Variants in PKNOX1 observed in about 807,000 individuals in gnomAD.
The protein encoded by PKNOX1 is homeobox protein PKNOX1.
In PKNOX1, 15 loss-of-function variants were observed where a neutral mutation model predicts 51.9. The ratio of observed to expected loss-of-function variants is 0.29; its 90% CI spans 0.19 to 0.45. PKNOX1 has a LOEUF of 0.45. Ranked by LOEUF, PKNOX1 falls within the 20% of genes least tolerant of loss-of-function variation. PKNOX1 has a pLI of 1.00. For synonymous variants in PKNOX1, 219 were observed against 211.1 expected (o/e 1.04, Z -0.32); for missense variants, 462 against 547.5 (o/e 0.84, Z 1.56).
chr21:43,021,521 G>C lies in PKNOX1; in HGVS notation c.849+90G>C. The C allele has an allele frequency of 2.1e-6, 3 of 1,418,574 alleles. No homozygotes were observed. The South Asian group carries it at 4.2e-5, about 20-fold the overall frequency. 87.9% of individuals were successfully genotyped at this position (1,418,574 alleles called of 1,614,324 possible). On this transcript the variant is annotated intron_variant, in intron 8 of 10. Transcript: ENST00000291547. This position sits in a 1 kb window ranked among gnomAD's most constrained non-coding sequence, Gnocchi z 4.6. ...GTCATGGAAAAGGGTTACTTCTCTG[G>C]GCTCAGAAAATCAAAGGCCTGACTT...
intron 1 of PKNOX1, among the ~76,000 whole-genome samples, chr21:42,979,689 C>G (rs1171656409): frequency 6.6e-6 from 1 of 152,052 alleles, no homozygotes; most frequent in South Asian, 2.1e-4. Flanking sequence ...TTGCAGTGAG[C>G]CGAGATCGCG....
chr21:42,976,395 C>T lies in PKNOX1; in HGVS notation c.-57+1731C>T, dbSNP rs542306657. Among the ~76,000 whole-genome samples, 15 of 152,218 alleles carry T rather than the reference C, an allele frequency of 9.9e-5. No individual in the cohort carries two copies. In the East Asian group the frequency reaches 2.7e-3, roughly 27 times the overall value. On this transcript the variant is annotated intron_variant, in intron 1 of 10. Transcript: ENST00000291547. ...TGCTGACTGATCAGGGTGGTGGTGG[C>T]TGTGTCAGTTACTTAAAATAAGACA...
chr21:43,007,768 A>T (rs953164130), intron 3 of PKNOX1, 150 bp downstream of exon 3: 2 of 811,766 alleles, frequency 2.5e-6, no homozygotes, highest in African/African-American at 3.5e-5. Flanking sequence ...TTCTCAGATT[A>T]AGATGTTATT....
chr21:43,020,743 G>T (rs2146287163), intron 7 of PKNOX1, among the ~76,000 whole-genome samples: 1 of 152,266 alleles, frequency 6.6e-6, no homozygotes, highest in South Asian at 2.1e-4. Flanking sequence ...TCCCTTTTCG[G>T]CTAGGAAGTC....
At position 43,028,879 on chromosome 21, in the gene PKNOX1, A is replaced by G; in HGVS notation, c.1099+5A>G. On this transcript the variant is annotated splice_donor_5th_base_variant and intron_variant, in intron 10 of 10. Transcript: ENST00000291547. Reference sequence around the variant, plus strand: ...GCGAGCTCACCATGTCGGAAGGTACAGGTGGCCGGCCAAGGCCAGACATGG... The same window carrying G: ...GCGAGCTCACCATGTCGGAAGGTACGGGTGGCCGGCCAAGGCCAGACATGG... 6.2e-7 allele frequency: 1 copy of G among 1,614,070 alleles called. No homozygotes were observed. The highest frequency in any genetic ancestry group is 1.3e-5 in the African/African-American group (1 of 75,062).
intron 9 of PKNOX1, among the ~76,000 whole-genome samples, chr21:43,026,196 C>G (rs1288284327): frequency 6.6e-6 from 1 of 152,162 alleles, no homozygotes; most frequent in Non-Finnish European, 1.5e-5. Context: ...TCATGATTTC[C>G]TGGTGTTCCC....
Position 43,016,950 on chromosome 21 carries a change from A to G in PKNOX1, c.565A>G (p.Ile189Val). ...AITGTISPQG[I>V]VVPASALQQG... ...CACAGGCACCATCAGCCCTCAGGGA[A>G]TTGTGGTGCCGGCGTCCGCGCTGCA... The change falls in exon 6 of 11, where the codon ATT becomes GTT. Residue 189 changes from isoleucine (I) to valine (V), a missense_variant. By Grantham distance (29) the Ile-to-Val change is conservative. This residue lies in a region of PKNOX1 where 126 missense variants were observed against 128.1 expected (regional missense o/e 0.98). Coordinates refer to ENST00000291547, the MANE Select transcript of PKNOX1 (RefSeq NM_004571.5). 6.2e-7 allele frequency: 1 copy of G among 1,612,848 alleles called. No individual in the cohort carries two copies. The highest frequency in any genetic ancestry group is 8.5e-7 in the Non-Finnish European group (1 of 1,179,468).
In PKNOX1 at chr21:42,979,988, C is replaced by T. The variant is rs117057170; in HGVS notation, c.-57+5324C>T. Among the ~76,000 whole-genome samples the T allele has an allele frequency of 3.3e-3, 501 of 152,306 alleles. 1 individual carries two copies. The highest frequency in any genetic ancestry group is 5.9e-3 in the Non-Finnish European group (400 of 68,024). On this transcript the variant is annotated intron_variant, in intron 1 of 10. Coordinates refer to ENST00000291547, the MANE Select transcript of PKNOX1 (RefSeq NM_004571.5). ...CTTATGATCTAAGTGCCAGCAGGTT[C>T]TGTGGTAATGATACTGAGTACAATG...
intron 1 of PKNOX1, among the ~76,000 whole-genome samples, chr21:42,976,911 C>G (rs1197639181): frequency 6.6e-6 from 1 of 152,172 alleles, no homozygotes; most frequent in Non-Finnish European, 1.5e-5. Context: ...TATAGCCTTA[C>G]AAAATGTATT....
At chr21:43,027,930 A>G (rs973417237) in intron 9 of PKNOX1, among the ~76,000 whole-genome samples, 2 of 151,966 alleles carry the variant, frequency 1.3e-5, no homozygotes, top group Non-Finnish European at 2.9e-5. Flanking sequence ...ATACAGAAAC[A>G]ATGTCCAGCC....
chr21:42,977,351 A>G (rs527720655), intron 1 of PKNOX1, among the ~76,000 whole-genome samples: 6 of 152,170 alleles, frequency 3.9e-5, no homozygotes, highest in African/African-American at 1.2e-4. Flanking sequence ...CTTCCAAAGG[A>G]AGTCTTTTGT....
chr21:42,998,951 G>T (rs1488853106), intron 1 of PKNOX1, among the ~76,000 whole-genome samples: 1 of 152,200 alleles, frequency 6.6e-6, no homozygotes, highest in African/African-American at 2.4e-5. Context: ...GCTCCACTAG[G>T]CAGTGCCCCA....
Position 43,028,872 on chromosome 21 carries a change from A to G in PKNOX1, c.1097A>G (p.Glu366Gly). ...CCGCCGAGCGAGCTCACCATGTCGG[A>G]AGGTACAGGTGGCCGGCCAAGGCCA... ...QPPPSELTMS[E>G]GAVVTITTPV... The change falls in exon 10 of 11, where the codon GAA (glutamate) becomes GGA (glycine). Residue 366 changes from glutamate (E) to glycine (G), a missense_variant and splice_region_variant. Glu to Gly is a moderately conservative substitution (Grantham distance 98, BLOSUM62 -2). Around this residue, in one of 5 missense-constraint regions of PKNOX1, gnomAD observed 118 missense variants for 116.8 expected, o/e 1.01. Transcript: ENST00000291547. The G allele has an allele frequency of 6.2e-7, 1 of 1,614,102 alleles. No individual in the cohort carries two copies. Among genetic ancestry groups the G allele is most frequent in the Non-Finnish European group, 8.5e-7 (1 of 1,179,972 alleles).
chr21:42,995,628 G>C (rs1419713001), intron 1 of PKNOX1, among the ~76,000 whole-genome samples: 1 of 152,096 alleles, frequency 6.6e-6, no homozygotes, highest in Non-Finnish European at 1.5e-5. Flanking sequence ...CAGTGAGCCA[G>C]AGTCTTGCCA....
chr21:42,985,169 G>A (rs1218825198), intron 1 of PKNOX1, among the ~76,000 whole-genome samples: 1 of 151,666 alleles, frequency 6.6e-6, no homozygotes, highest in Non-Finnish European at 1.5e-5. Flanking sequence ...TGTACTTGCA[G>A]TAGAGACAGG....
At chr21:43,020,304 T>C (rs1260973270) in intron 7 of PKNOX1, 1 of 152,366 alleles carries the variant, frequency 6.6e-6, no homozygotes, top group Non-Finnish European at 1.5e-5. Flanking sequence ...GGAGCGATTT[T>C]GCTTCCTTCC....
chr21:42,993,978 T>C (rs12481921), intron 1 of PKNOX1, among the ~76,000 whole-genome samples: 132,709 of 147,600 alleles, frequency 0.9, 59,789 homozygotes, highest in African/African-American at 0.92. Context: ...GGTGATCCAC[T>C]GGCTCAGCCT....
At position 42,978,351 on chromosome 21, in the gene PKNOX1, T is replaced by G. The variant is rs11910702; in HGVS notation, c.-57+3687T>G. ...CTGGAGTAGCACTTTTTAATTGCCT[T>G]TAAGTTTTCCTTTGTTCTGAGAGGT... On this transcript the variant is annotated intron_variant, in intron 1 of 10. Coordinates refer to ENST00000291547, the MANE Select transcript of PKNOX1 (RefSeq NM_004571.5). 4.1e-3 allele frequency among the ~76,000 whole-genome samples: 625 copies of G among 152,318 alleles called. 3 individuals carry two copies. Among genetic ancestry groups the G allele is most frequent in the African/African-American group, 0.014 (594 of 41,572 alleles).
Position 43,007,638 on chromosome 21 carries a change from C to T in PKNOX1, c.179+20C>T, listed in dbSNP as rs764820255. The stretch of plus-strand genomic sequence containing the variant: ...TTATAGGTAGTGCCCGGGGTGCCGG[C>T]TGTGGGGGCCTCAGAGGAGTGAGGA... On this transcript the variant is annotated intron_variant, in intron 3 of 10. Coordinates refer to ENST00000291547, the MANE Select transcript of PKNOX1 (RefSeq NM_004571.5). The T allele has an allele frequency of 6.2e-7, 1 of 1,613,806 alleles. No homozygotes were observed. Among genetic ancestry groups the T allele is most frequent in the South Asian group, 1.1e-5 (1 of 91,074 alleles).
Sources: gnomAD v4.1 joint callset for allele counts (sites outside exome capture counted in the v4.1 genomes callset) on GRCh38, gnomAD v4.1.1 for gene constraint, gnomAD v4.1.1 regional missense constraint, Gnocchi (gnomAD v3.1) non-coding constraint, MANE v1.5 for transcripts, NCBI Gene and HGNC (gene_info 2026-07-23, HGNC 2026-07-21) for gene names.